EPC1: variants seen among roughly 807,000 people sequenced by gnomAD.
EPC1 encodes enhancer of polycomb 1, also known as enhancer of polycomb homolog 1.
EPC1 carries 12 observed loss-of-function variants against 98.4 expected under a neutral mutation model. The ratio of observed to expected loss-of-function variants is 0.12; its 90% confidence interval spans 0.08 to 0.20. The LOEUF is 0.20. Among genes scored for constraint, EPC1 ranks in the 10% least tolerant of loss-of-function variants. The pLI is 1.00. For synonymous variants in EPC1, 357 were observed against 363.9 expected, an observed-to-expected ratio of 0.98 and a Z score of 0.21; for missense variants, 729 against 990.5, an observed-to-expected ratio of 0.74 and a Z score of 3.54.
At chr10:32,283,023 TATAA>T (rs946608418) in intron 10 of EPC1, 2 of 152,220 alleles carry the variant, frequency 1.3e-5, no homozygotes, top group Admixed American at 1.3e-4. Flanking sequence ...TTAATGGGAT[TATAA>T]ATAAGCTGTT....
At position 32,284,741 on chromosome 10, in the gene EPC1, A is replaced by C. The variant is rs138385835; in HGVS notation, c.1701T>G (p.Ser567Arg). ...GTAQPGTQTC[S>R]TSTQSKSSSG... ...TGCTACTTTTACTTTGCGTAGAGGT[A>C]CTGCATGTCTGGGTCCCAGGTTGTG... Residue 567 changes from serine to arginine, a missense_variant, in exon 10 of 14, where the codon AGT becomes AGG. Transcript: ENST00000319778. 1 of 1,614,176 alleles carries C rather than the reference A, an allele frequency of 6.2e-7. No homozygotes were observed. Among genetic ancestry groups the C allele is most frequent in the Non-Finnish European group, 8.5e-7 (1 of 1,180,002 alleles).
intron 1 of EPC1, among the ~76,000 whole-genome samples, chr10:32,344,032 T>C (rs1838572312): frequency 6.6e-6 from 1 of 152,208 alleles, no homozygotes; most frequent in African/African-American, 2.4e-5. Context: ...TAGGTTACAG[T>C]GACCTAATAA....
chr10:32,335,937 C>G (rs1334460007), intron 1 of EPC1, among the ~76,000 whole-genome samples: 1 of 152,186 alleles, frequency 6.6e-6, no homozygotes, highest in Non-Finnish European at 1.5e-5. Context: ...TGTAACAAAT[C>G]AATTCCACAG....
intron 3 of EPC1, 82 bp downstream of exon 3, chr10:32,293,510 C>T: frequency 7.5e-7 from 1 of 1,325,522 alleles, no homozygotes; most frequent in Non-Finnish European, 1.0e-6. Flanking sequence ...TACCCCCAAC[C>T]TGCAATCTCA....
chr10:32,308,199 G>A (rs533207211), intron 1 of EPC1, among the ~76,000 whole-genome samples: 3 of 152,186 alleles, frequency 2.0e-5, no homozygotes, highest in Non-Finnish European at 2.9e-5. Context: ...TGGCCAACAT[G>A]GTGAAACCCC....
At chr10:32,305,994 G>A (rs1188001271) in intron 1 of EPC1, 63 bp from the exon 2 acceptor site, 1 of 1,409,030 alleles carries the variant, frequency 7.1e-7, no homozygotes, top group African/African-American at 1.5e-5. Flanking sequence ...AGATCATATA[G>A]CCAAAAAGGT....
intron 2 of EPC1, among the ~76,000 whole-genome samples, chr10:32,300,423 T>C (rs887389066): frequency 6.6e-6 from 1 of 150,410 alleles, no homozygotes; most frequent in Non-Finnish European, 1.5e-5. Context: ...CTATAGTGTA[T>C]CAATTCAACT....
At chr10:32,278,322 G>A (rs910038193) in intron 10 of EPC1, among the ~76,000 whole-genome samples, 1 of 150,790 alleles carries the variant, frequency 6.6e-6, no homozygotes, top group Non-Finnish European at 1.5e-5. Flanking sequence ...GATTATAGGC[G>A]TGAACCACAG....
At chr10:32,279,487 T>A (rs1836288772) in intron 10 of EPC1, among the ~76,000 whole-genome samples, 4 of 152,222 alleles carry the variant, frequency 2.6e-5, no homozygotes, top group Admixed American at 2.6e-4. Context: ...GATTAAGATG[T>A]TATGTTGCAA....
At chr10:32,269,407 T>G (rs1034425188) in intron 13 of EPC1, 1 of 302,706 alleles carries the variant, frequency 3.3e-6, no homozygotes. Context: ...AGAATTCCCA[T>G]GTTTTAGTAA....
chr10:32,366,909 T>TA (rs1213938727), intron 1 of EPC1, among the ~76,000 whole-genome samples: 6 of 151,534 alleles, frequency 4.0e-5, no homozygotes, highest in Admixed American at 1.3e-4. Flanking sequence ...ATTCCAGAGC[T>TA]AAAAAAAAAT....
At chr10:32,358,989 G>A (rs940491416) in intron 1 of EPC1, among the ~76,000 whole-genome samples, 2 of 152,084 alleles carry the variant, frequency 1.3e-5, no homozygotes, top group African/African-American at 4.8e-5. Context: ...ATAGGCTCAG[G>A]GAAGTCCTGC....
chr10:32,328,306 C>A (rs374944507), intron 1 of EPC1, among the ~76,000 whole-genome samples: 108 of 152,280 alleles, frequency 7.1e-4, no homozygotes, highest in African/African-American at 2.5e-3. Flanking sequence ...TAAATACACA[C>A]ACACAGAGCC....
At chr10:32,321,412 A>G (rs1245246886) in intron 1 of EPC1, among the ~76,000 whole-genome samples, 1 of 151,912 alleles carries the variant, frequency 6.6e-6, no homozygotes, top group African/African-American at 2.4e-5. Flanking sequence ...GTGGCTATTA[A>G]CAAGCACAAA....
At chr10:32,287,417 T>A in intron 6 of EPC1, 143 bp from the exon 7 acceptor site, 2 of 798,476 alleles carry the variant, frequency 2.5e-6, no homozygotes, top group East Asian at 2.7e-5. Flanking sequence ...TGTTTGGCCA[T>A]CTTATAGTGT....
intron 1 of EPC1, among the ~76,000 whole-genome samples, chr10:32,338,538 T>C (rs1422831306): frequency 6.6e-6 from 1 of 152,144 alleles, no homozygotes; most frequent in African/African-American, 2.4e-5. Context: ...CTGATCTGGA[T>C]CGTGAGTACG....
In EPC1 at chr10:32,291,305, T is replaced by C; in HGVS notation, c.833A>G (p.Tyr278Cys). Residue 278 changes from tyrosine to cysteine, a missense_variant, in exon 6 of 14, where the codon TAC (tyrosine) becomes TGC (cysteine). Transcript: ENST00000319778. ...IMEKRYNLGD[Y>C]NGEIMSEVMA... The stretch of plus-strand genomic sequence containing the variant: ...AACCTCAGACATGATCTCTCCATTG[T>C]AGTCGCCCAAATTATACCTAAAATT... The C allele has an allele frequency of 1.2e-6, 2 of 1,610,532 alleles. No homozygotes were observed. Among genetic ancestry groups the C allele is most frequent in the Non-Finnish European group, 1.7e-6 (2 of 1,178,234 alleles).
chr10:32,290,751 G>C (rs1300358144), intron 6 of EPC1, among the ~76,000 whole-genome samples: 1 of 151,448 alleles, frequency 6.6e-6, no homozygotes, highest in Admixed American at 6.6e-5. Flanking sequence ...ATACATTAAG[G>C]TGGGGTATAT....
At chr10:32,272,571 C>A (rs1379030086) in intron 11 of EPC1, among the ~76,000 whole-genome samples, 3 of 152,142 alleles carry the variant, frequency 2.0e-5, no homozygotes, top group Non-Finnish European at 4.4e-5. Context: ...TATACACACA[C>A]ACATATGTAT....
Sources: allele counts gnomAD v4.1 joint callset (sites outside exome capture counted in the v4.1 genomes callset), GRCh38; gene constraint gnomAD v4.1.1; transcripts MANE v1.5; gene names NCBI Gene and HGNC (gene_info 2026-07-23, HGNC 2026-07-21).